The following TRPM3 variants were observed in gnomAD, a reference collection of about 807,000 sequenced individuals.
TRPM3 encodes the protein transient receptor potential cation channel subfamily M member 3, also known as long transient receptor potential channel 3.
In TRPM3, 77 loss-of-function variants were observed where a neutral mutation model predicts 181.2. The observed-to-expected ratio is 0.42, with a 90% CI of 0.35 to 0.51. The LOEUF is 0.51. TRPM3 is among the 20% of genes least tolerant of loss of function. The pLI is 0.01. For synonymous variants in TRPM3, 745 were observed against 796.4 expected (o/e 0.94, Z 1.09); for missense variants, 1,759 against 2,196.7 (o/e 0.80, Z 3.98).
chr9:70,858,178 A>G (rs770271559), intron 3 of TRPM3, among the ~76,000 whole-genome samples: 8 of 152,164 alleles, frequency 5.3e-5, no homozygotes, highest in African/African-American at 7.2e-5. Context: ...CTTCCTCTAG[A>G]GTTTTTTGAC....
chr9:71,111,991 A>C (rs1383235264), intron 1 of TRPM3, among the ~76,000 whole-genome samples: 2 of 152,216 alleles, frequency 1.3e-5, no homozygotes, highest in Non-Finnish European at 2.9e-5. Context: ...GATCCATGAT[A>C]CATGATATAG....
intron 1 of TRPM3, among the ~76,000 whole-genome samples, chr9:70,912,244 A>G (rs2096545361): frequency 6.6e-6 from 1 of 152,202 alleles, no homozygotes; most frequent in Non-Finnish European, 1.5e-5. Flanking sequence ...TTAGTGTTCC[A>G]GGCACTTTAT....
chr9:71,065,945 C>T (rs73480123), intron 1 of TRPM3, among the ~76,000 whole-genome samples: 7,047 of 152,074 alleles, frequency 0.046, 568 homozygotes, highest in African/African-American at 0.16. Flanking sequence ...ATCAAAAATC[C>T]AACAAATGCA....
intron 1 of TRPM3, among the ~76,000 whole-genome samples, chr9:71,048,094 C>T (rs1424085476): frequency 6.6e-6 from 1 of 152,176 alleles, no homozygotes; most frequent in African/African-American, 2.4e-5. Context: ...CAAAAGTTAT[C>T]ACAGTTTTTG....
chr9:70,835,353 T>TA (rs2094242678), intron 5 of TRPM3, among the ~76,000 whole-genome samples: 1 of 152,102 alleles, frequency 6.6e-6, no homozygotes, highest in Non-Finnish European at 1.5e-5. Flanking sequence ...AATAATGTAT[T>TA]AATATTATCA....
intron 1 of TRPM3, among the ~76,000 whole-genome samples, chr9:71,070,752 A>T (rs1446725180): frequency 6.6e-6 from 1 of 152,204 alleles, no homozygotes; most frequent in Non-Finnish European, 1.5e-5. Context: ...TATAAACATA[A>T]ATCTTTGTCT....
intron 12 of TRPM3, among the ~76,000 whole-genome samples, chr9:70,628,787 A>C (rs7036664): frequency 0.77 from 112,105 of 145,392 alleles, 44,702 homozygotes; most frequent in East Asian, 0.92. Context: ...CCACTGCATT[A>C]CCATCTGGGC....
chr9:70,534,470 T>C lies in TRPM3; in HGVS notation c.*1483A>G, dbSNP rs2041331105. 1 of 152,226 alleles carries C rather than the reference T, an allele frequency of 6.6e-6. No homozygotes were observed. The highest frequency in any genetic ancestry group is 6.5e-5 in the Admixed American group (1 of 15,286). The allele number at this position is 152,226 out of a possible 1,614,324, so 9.4% of individuals were successfully genotyped here. A position where few individuals can be genotyped will look rare whatever the true frequency, so the allele number is the denominator to read the frequency against. ...AGGTGATAGAAAAGTCCAAGCCTCT[T>C]AAGAAAGCTCTTTATGTCCATTTAT... On this transcript the variant is annotated 3_prime_UTR_variant, in exon 26 of 26. Coordinates refer to ENST00000677713, the MANE Select transcript of TRPM3 (RefSeq NM_001366145.2).
rs1486605830 is a variant in TRPM3 at position 70,758,138 on chromosome 9, G to C, written c.1272+3463C>G. Among the ~76,000 whole-genome samples the C allele has an allele frequency of 2.0e-5, 3 of 152,116 alleles. No individual in the cohort carries two copies. In the East Asian group the frequency reaches 5.8e-4, roughly 29 times the overall value. ...ATAAGCAACTTCAGCAAAGTCTCAG[G>C]ATTCAAAATCAATGTGCAAAAATCA... On this transcript the variant is annotated intron_variant, in intron 8 of 25. Transcript: ENST00000677713.
chr9:71,329,946 T>C (rs917266271), intron 1 of TRPM3, among the ~76,000 whole-genome samples: 4 of 152,154 alleles, frequency 2.6e-5, no homozygotes, highest in Admixed American at 2.6e-4. Flanking sequence ...TTTTCTAAGA[T>C]TTAATTCACA....
At chr9:71,387,748 ATTAG>A (rs1346483266) in intron 1 of TRPM3, among the ~76,000 whole-genome samples, 1 of 152,162 alleles carries the variant, frequency 6.6e-6, no homozygotes, top group Non-Finnish European at 1.5e-5. Flanking sequence ...TACCTCCATT[ATTAG>A]TTAATTTTAC....
At position 71,156,153 on chromosome 9, in the gene TRPM3, A is replaced by G. The variant is rs189712224; in HGVS notation, c.183+290500T>C. Among the ~76,000 whole-genome samples, 267 of 152,188 alleles carry G rather than the reference A, an allele frequency of 1.8e-3. 1 individual carries two copies. The highest frequency in any genetic ancestry group is 4.2e-4 in the South Asian group (2 of 4,808). ...GTTGGGGTTCTTTGACCTAATAGGT[A>G]GACTTAGTTCAGGTACAATGGAGTT... On this transcript the variant is annotated intron_variant, in intron 1 of 24. Transcript: ENST00000357533.
At chr9:71,332,879 T>C (rs2090308256) in intron 1 of TRPM3, among the ~76,000 whole-genome samples, 1 of 150,670 alleles carries the variant, frequency 6.6e-6, no homozygotes, top group African/African-American at 2.5e-5. Flanking sequence ...TAATATATTC[T>C]AGTAGGTTTT....
At chr9:71,025,944 G>A (rs1048254798) in intron 1 of TRPM3, among the ~76,000 whole-genome samples, 3 of 138,542 alleles carry the variant, frequency 2.2e-5, no homozygotes, top group Non-Finnish European at 4.6e-5. Flanking sequence ...GGTCCCCAGT[G>A]ACTACTGCAG....
chr9:70,595,076 C>T (rs983174069), intron 21 of TRPM3, among the ~76,000 whole-genome samples: 1 of 152,182 alleles, frequency 6.6e-6, no homozygotes, highest in African/African-American at 2.4e-5. Context: ...GTACATTCCT[C>T]TTGCACACTC....
At chr9:70,581,635 A>G (rs762942232) in intron 22 of TRPM3, among the ~76,000 whole-genome samples, 1 of 152,176 alleles carries the variant, frequency 6.6e-6, no homozygotes, top group Non-Finnish European at 1.5e-5. Context: ...CGTTATTCAG[A>G]AGGGGTGTAC....
At chr9:70,842,459 AAGT>A (rs992831239) in intron 5 of TRPM3, among the ~76,000 whole-genome samples, 1 of 152,110 alleles carries the variant, frequency 6.6e-6, no homozygotes, top group African/African-American at 2.4e-5. Flanking sequence ...ATAATAGAAA[AAGT>A]AGTTTAAGAC....
At chr9:71,250,512 C>T (rs1363084130) in intron 1 of TRPM3, among the ~76,000 whole-genome samples, 4 of 152,172 alleles carry the variant, frequency 2.6e-5, no homozygotes, top group African/African-American at 9.7e-5. Context: ...AGGTGACACA[C>T]ACTCAAGAAA....
In TRPM3 at chr9:71,254,445, C is replaced by A. The variant is rs568875445; in HGVS notation, c.183+192208G>T. Among the ~76,000 whole-genome samples the A allele has an allele frequency of 1.4e-3, 206 of 152,224 alleles. 2 individuals are homozygous for A. The highest frequency in any genetic ancestry group is 2.1e-3 in the Non-Finnish European group (146 of 68,004). On this transcript the variant is annotated intron_variant, in intron 1 of 24. Transcript: ENST00000357533. ...TACAACACGGTGACTTAGTCGGCAA[C>A]AACGTATTACATATTTGAACATTGC... is the stretch of plus-strand genomic sequence containing the variant.
Sources: allele counts gnomAD v4.1 joint callset (sites outside exome capture counted in the v4.1 genomes callset), GRCh38; gene constraint gnomAD v4.1.1; transcripts MANE v1.5; gene names NCBI Gene and HGNC (gene_info 2026-07-23, HGNC 2026-07-21).